The following ATP10B variants were observed in gnomAD, a reference collection of about 807,000 sequenced individuals.
The protein encoded by ATP10B is ATPase phospholipid transporting 10B (putative).
In ATP10B, 122 loss-of-function variants were observed where a neutral mutation model predicts 141.2. The ratio of observed to expected loss-of-function variants is 0.86; its 90% CI spans 0.75 to 1.00. ATP10B has a LOEUF of 1.00. Ranked by LOEUF, ATP10B falls within the 50% of genes least tolerant of loss-of-function variation. ATP10B has a pLI of 0.00. For synonymous variants in ATP10B, 685 were observed against 692.0 expected, an observed-to-expected ratio of 0.99 and a Z score of 0.16; for missense variants, 1,876 against 1,825.3, an observed-to-expected ratio of 1.03 and a Z score of -0.51.
At chr5:160,811,893 C>A (rs1773176985) in intron 1 of ATP10B, among the ~76,000 whole-genome samples, 1 of 151,988 alleles carries the variant, frequency 6.6e-6, no homozygotes, top group South Asian at 2.1e-4. Flanking sequence ...TGTGTGAGAC[C>A]CACTGCTGTG....
chr5:160,684,304 C>T (rs139660463), intron 6 of ATP10B, among the ~76,000 whole-genome samples: 85 of 152,316 alleles, frequency 5.6e-4, no homozygotes, highest in African/African-American at 1.9e-3. Flanking sequence ...AGAATTATCT[C>T]CTGCAACTCT....
intron 1 of ATP10B, among the ~76,000 whole-genome samples, chr5:160,814,078 C>T (rs1330369539): frequency 6.6e-6 from 1 of 152,214 alleles, no homozygotes; most frequent in African/African-American, 2.4e-5. Context: ...CAGAGCACCT[C>T]TCCTCCTTCG....
intron 6 of ATP10B, among the ~76,000 whole-genome samples, chr5:160,678,047 G>A (rs1047304674): frequency 6.6e-6 from 1 of 152,178 alleles, no homozygotes; most frequent in Non-Finnish European, 1.5e-5. Flanking sequence ...ATCTTGGTGT[G>A]GGTATGTTCA....
the ATP10B span, among the ~76,000 whole-genome samples, chr5:160,900,797 T>TG: frequency 8.7e-6 from 1 of 115,316 alleles, no homozygotes; most frequent in Non-Finnish European, 2.1e-5. Flanking sequence ...TTTACATTTT[T>TG]TTTTTATTTG....
intron 3 of ATP10B, among the ~76,000 whole-genome samples, chr5:160,699,465 G>C (rs1250925661): frequency 1.3e-5 from 2 of 152,200 alleles, no homozygotes; most frequent in Non-Finnish European, 2.9e-5. Flanking sequence ...GACTGGCTCA[G>C]TTCACTTCAA....
At chr5:160,621,248 A>T (rs561939159) in intron 14 of ATP10B, among the ~76,000 whole-genome samples, 1 of 152,208 alleles carries the variant, frequency 6.6e-6, no homozygotes, top group Non-Finnish European at 1.5e-5. Flanking sequence ...ATCTCATTTC[A>T]TCCTCCCAAT....
chr5:160,671,969 C>CTTTTTTTTTTTT (rs70990741), intron 6 of ATP10B, among the ~76,000 whole-genome samples: 1 of 68,388 alleles, frequency 1.5e-5, no homozygotes, highest in Non-Finnish European at 2.4e-5. Context: ...GCAATGCATC[C>CTTTTTTTTTTTT]TTTTTTTTTT....
intron 2 of ATP10B, among the ~76,000 whole-genome samples, chr5:160,772,987 C>T (rs1379164386): frequency 1.3e-5 from 2 of 152,000 alleles, no homozygotes; most frequent in South Asian, 2.1e-4. Flanking sequence ...AACTATTCTG[C>T]TAATTTTTAG....
At chr5:160,886,036 A>G in the ATP10B span, among the ~76,000 whole-genome samples, 68 of 152,344 alleles carry the variant, frequency 4.5e-4, no homozygotes, top group African/African-American at 1.6e-3. Flanking sequence ...TTTGAAAATC[A>G]CCGAAGAATC....
chr5:160,890,529 A>G, the ATP10B span, among the ~76,000 whole-genome samples: 18 of 148,996 alleles, frequency 1.2e-4, no homozygotes, highest in African/African-American at 4.2e-4. Context: ...TATAAGTGCT[A>G]TTATATAACA....
intron 22 of ATP10B, among the ~76,000 whole-genome samples, chr5:160,593,216 A>G (rs1756443903): frequency 6.6e-6 from 1 of 152,212 alleles, no homozygotes; most frequent in Non-Finnish European, 1.5e-5. Context: ...TCTCTGAGAC[A>G]AAACTTCCAG....
the ATP10B span, among the ~76,000 whole-genome samples, chr5:160,857,472 AAG>A: frequency 6.6e-6 from 1 of 151,772 alleles, no homozygotes; most frequent in Non-Finnish European, 1.5e-5. Flanking sequence ...GATCTTTTAA[AAG>A]AACCAGCTCT....
intron 7 of ATP10B, among the ~76,000 whole-genome samples, chr5:160,659,300 C>T (rs577522705): frequency 1.3e-4 from 20 of 152,078 alleles, no homozygotes; most frequent in South Asian, 2.1e-4. Context: ...TCCGTCTCTA[C>T]TAAAAATACA....
chr5:160,910,044 T>C, the ATP10B span, among the ~76,000 whole-genome samples: 1 of 152,078 alleles, frequency 6.6e-6, no homozygotes, highest in South Asian at 2.1e-4. Context: ...ATATAGAGAC[T>C]CCTCATCAAG....
chr5:160,782,156 C>T (rs1390370561), intron 2 of ATP10B, among the ~76,000 whole-genome samples: 3 of 152,126 alleles, frequency 2.0e-5, no homozygotes, highest in African/African-American at 7.2e-5. Context: ...AATTTATTCA[C>T]TCTTTCACCA....
At chr5:160,822,370 G>A (rs1380900009) in intron 1 of ATP10B, among the ~76,000 whole-genome samples, 1 of 152,038 alleles carries the variant, frequency 6.6e-6, no homozygotes, top group Non-Finnish European at 1.5e-5. Context: ...AAGAAATGCT[G>A]GCAAGGATAT....
chr5:160,675,246 A>T (rs1450938825), intron 6 of ATP10B, among the ~76,000 whole-genome samples: 1 of 152,200 alleles, frequency 6.6e-6, no homozygotes, highest in Admixed American at 6.5e-5. Flanking sequence ...CACACCTGGG[A>T]ACTGACTGCT....
intron 18 of ATP10B, among the ~76,000 whole-genome samples, chr5:160,608,343 G>A (rs923233094): frequency 6.6e-6 from 1 of 152,126 alleles, no homozygotes; most frequent in Non-Finnish European, 1.5e-5. Flanking sequence ...TGGACATTTG[G>A]GTTGGTTCCA....
intron 2 of ATP10B, among the ~76,000 whole-genome samples, chr5:160,744,160 C>A (rs1037390078): frequency 2.6e-5 from 4 of 152,112 alleles, no homozygotes; most frequent in Non-Finnish European, 4.4e-5. Flanking sequence ...AATACCTATG[C>A]CTGGTTCCAG....
Sources: gnomAD v4.1 joint callset for allele counts (sites outside exome capture counted in the v4.1 genomes callset) on GRCh38, gnomAD v4.1.1 for gene constraint, MANE v1.5 for transcripts, NCBI Gene and HGNC (gene_info 2026-07-23, HGNC 2026-07-21) for gene names.